Variants in DLG2 observed in about 807,000 individuals in gnomAD.
DLG2 encodes disks large homolog 2.
In DLG2, 45 loss-of-function variants were observed where a neutral mutation model predicts 132.5. The observed-to-expected ratio is 0.34, with a 90% CI of 0.27 to 0.44. DLG2 has a LOEUF of 0.44. Among genes scored for constraint, DLG2 ranks in the 20% least tolerant of loss-of-function variants. DLG2 has a pLI of 1.00. For synonymous variants in DLG2, 424 were observed against 419.6 expected (o/e 1.01, Z -0.13); for missense variants, 1,045 against 1,196.9 (o/e 0.87, Z 1.87).
At position 83,690,665 on chromosome 11, in the gene DLG2, C is replaced by A. The variant is rs555865741; in HGVS notation, c.1826-57340G>T. Among the ~76,000 whole-genome samples, 9 of 113,518 alleles carry A rather than the reference C, an allele frequency of 7.9e-5. No individual in the cohort carries two copies. The East Asian group carries it at 1.8e-3, about 23-fold the overall frequency. The allele number at this position is 113,518 out of a possible 152,430, so 74.5% of individuals were successfully genotyped here. ...CCTCTGTAGAGGGTATCAAACATTT[C>A]GGTCCATGCTGTGGGTGGGGGTGGG... On this transcript the variant is annotated intron_variant, in intron 18 of 27. Coordinates refer to ENST00000376104, the MANE Select transcript of DLG2 (RefSeq NM_001142699.3).
intron 10 of DLG2, among the ~76,000 whole-genome samples, chr11:84,096,901 A>T (rs1595156098): frequency 2.9e-4 from 1 of 3,482 alleles, no homozygotes; most frequent in Non-Finnish European, 2.4e-3. Flanking sequence ...CATTTACCTG[A>T]AAAAAAAAAA....
chr11:84,679,635 C>T (rs2099723684), intron 6 of DLG2, among the ~76,000 whole-genome samples: 1 of 152,026 alleles, frequency 6.6e-6, no homozygotes, highest in Non-Finnish European at 1.5e-5. Context: ...ATAATAGTTA[C>T]CATTTATTGA....
intron 7 of DLG2, among the ~76,000 whole-genome samples, chr11:84,533,098 T>C (rs58414050): frequency 0.011 from 1,751 of 152,330 alleles, 22 homozygotes; most frequent in Middle Eastern, 0.044. Context: ...TCATTATCCA[T>C]TGCTGAAAGA....
At chr11:84,833,006 T>C (rs1343788978) in intron 6 of DLG2, among the ~76,000 whole-genome samples, 4 of 151,612 alleles carry the variant, frequency 2.6e-5, no homozygotes, top group African/African-American at 9.7e-5. Flanking sequence ...TTTTGCTTAT[T>C]TGGTATGTTG....
At chr11:85,548,318 G>A (rs1404893278) in intron 3 of DLG2, among the ~76,000 whole-genome samples, 1 of 152,200 alleles carries the variant, frequency 6.6e-6, no homozygotes, top group Non-Finnish European at 1.5e-5. Context: ...ACTGGTGGAG[G>A]TTGCAGAACA....
chr11:85,369,391 A>C (rs1402872558), intron 3 of DLG2, among the ~76,000 whole-genome samples: 1 of 151,964 alleles, frequency 6.6e-6, no homozygotes. Context: ...CATAACAATA[A>C]GAGGTTCTTC....
At chr11:84,141,894 A>G (rs1028297536) in intron 9 of DLG2, among the ~76,000 whole-genome samples, 1 of 152,128 alleles carries the variant, frequency 6.6e-6, no homozygotes, top group Non-Finnish European at 1.5e-5. Context: ...CTAAGAAAAG[A>G]ACAGTACTGA....
At chr11:83,939,641 G>A (rs2154137573) in intron 14 of DLG2, among the ~76,000 whole-genome samples, 1 of 152,266 alleles carries the variant, frequency 6.6e-6, no homozygotes, top group East Asian at 1.9e-4. Flanking sequence ...GCTCGAGGAT[G>A]ATTGACATTA....
At chr11:84,458,873 C>A (rs1469239146) in intron 7 of DLG2, among the ~76,000 whole-genome samples, 8 of 150,584 alleles carry the variant, frequency 5.3e-5, no homozygotes, top group African/African-American at 1.9e-4. Flanking sequence ...TGAGTGAATA[C>A]TTTGTCAAGC....
chr11:84,443,569 G>A (rs1380453862), intron 7 of DLG2, among the ~76,000 whole-genome samples: 1 of 152,118 alleles, frequency 6.6e-6, no homozygotes, highest in Non-Finnish European at 1.5e-5. Flanking sequence ...ATATAACACA[G>A]TGTAATCAGA....
intron 7 of DLG2, among the ~76,000 whole-genome samples, chr11:84,315,992 G>T (rs1599740546): frequency 6.6e-6 from 1 of 152,194 alleles, no homozygotes; most frequent in Non-Finnish European, 1.5e-5. Flanking sequence ...GTATGACAGT[G>T]ACTACAGGTG....
At chr11:83,785,730 C>T (rs1031346893) in intron 18 of DLG2, among the ~76,000 whole-genome samples, 12 of 152,222 alleles carry the variant, frequency 7.9e-5, no homozygotes, top group South Asian at 2.1e-4. Context: ...AAACCTCAGT[C>T]TTCCAAACAA....
At chr11:84,875,459 C>G (rs2086193144) in intron 6 of DLG2, among the ~76,000 whole-genome samples, 1 of 151,292 alleles carries the variant, frequency 6.6e-6, no homozygotes, top group African/African-American at 2.4e-5. Flanking sequence ...ATTAGGAGCT[C>G]AAGGGCTTTG....
chr11:84,946,723 T>C (rs1188279325), intron 6 of DLG2, among the ~76,000 whole-genome samples: 2 of 152,088 alleles, frequency 1.3e-5, no homozygotes, highest in African/African-American at 4.8e-5. Flanking sequence ...CCCTAGCTGG[T>C]GTATCACTAG....
At chr11:83,577,875 A>T (rs866541862) in intron 19 of DLG2, among the ~76,000 whole-genome samples, 24 of 124,618 alleles carry the variant, frequency 1.9e-4, no homozygotes, top group African/African-American at 7.1e-4. Context: ...ATAAATATAT[A>T]TAATATAAAT....
At chr11:84,641,860 T>C (rs2099666772) in intron 6 of DLG2, among the ~76,000 whole-genome samples, 1 of 151,706 alleles carries the variant, frequency 6.6e-6, no homozygotes, top group Admixed American at 6.6e-5. Context: ...CAGTTCCTAT[T>C]AGAGGAAGTA....
chr11:85,483,752 T>C (rs548965025), intron 3 of DLG2, among the ~76,000 whole-genome samples: 1 of 152,130 alleles, frequency 6.6e-6, no homozygotes, highest in Admixed American at 6.5e-5. Flanking sequence ...AAGACCAGCC[T>C]GGCCAACATG....
chr11:84,368,177 T>C (rs563268237), intron 7 of DLG2, among the ~76,000 whole-genome samples: 1 of 152,276 alleles, frequency 6.6e-6, no homozygotes, highest in South Asian at 2.1e-4. Flanking sequence ...GCTCTTCTCA[T>C]TTTTCAATGG....
intron 6 of DLG2, among the ~76,000 whole-genome samples, chr11:84,728,883 T>G (rs2062816350): frequency 6.6e-6 from 1 of 152,158 alleles, no homozygotes; most frequent in South Asian, 2.1e-4. Context: ...TGCATGGAGG[T>G]GTTTATAGTA....
Sources: gnomAD v4.1 joint callset for allele counts (sites outside exome capture counted in the v4.1 genomes callset) on GRCh38, gnomAD v4.1.1 for gene constraint, MANE v1.5 for transcripts, NCBI Gene and HGNC (gene_info 2026-07-23, HGNC 2026-07-21) for gene names.